Variants in SIPA1L1 observed in about 807,000 individuals in gnomAD.
SIPA1L1 encodes signal-induced proliferation-associated 1-like protein 1.
SIPA1L1 carries 26 observed loss-of-function variants against 162.7 expected under a neutral mutation model. That is an observed-to-expected ratio of 0.16 (90% CI 0.12 to 0.22). The LOEUF (loss-of-function observed/expected upper bound fraction) is 0.22, where lower values mean the gene tolerates loss of function less well. SIPA1L1 is among the 10% of genes least tolerant of loss of function. The pLI is 1.00. For synonymous variants in SIPA1L1, 829 were observed against 837.4 expected (o/e 0.99, Z 0.17); for missense variants, 1,874 against 2,241.0 (o/e 0.84, Z 3.31).
At position 71,723,520 on chromosome 14, in the gene SIPA1L1, T is replaced by C. The variant is rs2301917; in HGVS notation, c.4209-127T>C. The C allele has an allele frequency of 2.8e-4, 278 of 1,000,184 alleles. 1 individual carries two copies. In the East Asian group the frequency reaches 4.0e-3, roughly 14 times the overall value. The allele number at this position is 1,000,184 out of a possible 1,614,324, so 62.0% of individuals were successfully genotyped here. ...GAAAGCCAGGAAGGCCAGCCAGGCA[T>C]CGCTGTTAATAGTTCATGAAAAATT... is the stretch of plus-strand genomic sequence containing the variant. On this transcript the variant is annotated intron_variant, in intron 17 of 23. Transcript: ENST00000381232.
intron 2 of SIPA1L1, among the ~76,000 whole-genome samples, chr14:71,328,125 T>A (rs2034053331): frequency 6.6e-6 from 1 of 152,252 alleles, no homozygotes; most frequent in Non-Finnish European, 1.5e-5. Context: ...ATCTTAATGA[T>A]GATCCTTTGT....
At chr14:71,581,764 A>G (rs372463989) in intron 4 of SIPA1L1, among the ~76,000 whole-genome samples, 3 of 152,308 alleles carry the variant, frequency 2.0e-5, no homozygotes, top group South Asian at 2.1e-4. Context: ...AATGCCCCCA[A>G]TAAGTTAGTG....
At chr14:71,445,356 G>T (rs909945651) in intron 2 of SIPA1L1, among the ~76,000 whole-genome samples, 9 of 152,114 alleles carry the variant, frequency 5.9e-5, no homozygotes, top group African/African-American at 2.2e-4. Context: ...GAAGTTATCA[G>T]CTGGAGCTGA....
chr14:71,567,254 C>A (rs1006559656), intron 4 of SIPA1L1, among the ~76,000 whole-genome samples: 1 of 152,142 alleles, frequency 6.6e-6, no homozygotes, highest in Non-Finnish European at 1.5e-5. Context: ...AGTTCCCATT[C>A]TAGAGCTCTC....
intron 4 of SIPA1L1, among the ~76,000 whole-genome samples, chr14:71,579,290 G>C (rs901114094): frequency 6.6e-6 from 1 of 151,604 alleles, no homozygotes; most frequent in Non-Finnish European, 1.5e-5. Context: ...ACTTTTTACT[G>C]ATTTTTTTTT....
At chr14:71,415,726 C>T (rs1234171364) in intron 2 of SIPA1L1, among the ~76,000 whole-genome samples, 2 of 149,808 alleles carry the variant, frequency 1.3e-5, no homozygotes, top group Non-Finnish European at 1.5e-5. Context: ...GAGATGGGAT[C>T]TCACTCTGTC....
chr14:71,423,119 T>A (rs576901566), intron 2 of SIPA1L1, among the ~76,000 whole-genome samples: 218 of 152,326 alleles, frequency 1.4e-3, no homozygotes, highest in African/African-American at 5.1e-3. Flanking sequence ...TTTTAATATC[T>A]TTTTTGGAGA....
intron 2 of SIPA1L1, among the ~76,000 whole-genome samples, chr14:71,373,785 G>T (rs766012514): frequency 6.6e-6 from 1 of 151,870 alleles, no homozygotes; most frequent in Non-Finnish European, 1.5e-5. Flanking sequence ...TGAAACCCTG[G>T]TTGGGCTCAG....
At chr14:71,656,365 T>C (rs1441183978) in intron 8 of SIPA1L1, among the ~76,000 whole-genome samples, 2 of 152,190 alleles carry the variant, frequency 1.3e-5, no homozygotes, top group Non-Finnish European at 2.9e-5. Flanking sequence ...TTAATTTTGC[T>C]TAAAATTGAC....
chr14:71,604,170 A>T (rs1345582341), intron 5 of SIPA1L1, among the ~76,000 whole-genome samples: 1 of 150,802 alleles, frequency 6.6e-6, no homozygotes, highest in East Asian at 2.0e-4. Context: ...GCTCACTTTT[A>T]TATTTTTTTA....
At chr14:71,356,587 AG>A in intron 2 of SIPA1L1, among the ~76,000 whole-genome samples, 1 of 146,888 alleles carries the variant, frequency 6.8e-6, no homozygotes, top group Non-Finnish European at 1.5e-5. Flanking sequence ...AAAAAAAAAA[AG>A]CACACCTGTT....
intron 2 of SIPA1L1, among the ~76,000 whole-genome samples, chr14:71,494,451 G>A (rs1453960458): frequency 6.6e-6 from 1 of 151,146 alleles, no homozygotes; most frequent in Non-Finnish European, 1.5e-5. Flanking sequence ...ATTGATTTTT[G>A]GATGTTAAAC....
chr14:71,624,161 C>G lies in SIPA1L1; in HGVS notation c.1743C>G (p.Leu581=). Residue 581 remains leucine, a synonymous_variant, in exon 7 of 24, where the codon CTC becomes CTG. Transcript: ENST00000381232. ...TGCTGGAGCACGTGGTTCCTGAGCT[C>G]AATGTCCAGTGCCTGCGGTTGGCCT... is the stretch of plus-strand genomic sequence containing the variant. The part of the protein sequence containing the change: ...KEVLEHVVPE[L]NVQCLRLAFN... 1 of 1,614,172 alleles carries G rather than the reference C, an allele frequency of 6.2e-7. No individual in the cohort carries two copies. The highest frequency in any genetic ancestry group is 8.5e-7 in the Non-Finnish European group (1 of 1,180,020).
chr14:71,571,802 T>G (rs2032098823), intron 4 of SIPA1L1, among the ~76,000 whole-genome samples: 1 of 149,156 alleles, frequency 6.7e-6, no homozygotes, highest in Non-Finnish European at 1.5e-5. Flanking sequence ...CCACCATGCC[T>G]GGCTCATTTT....
intron 12 of SIPA1L1, among the ~76,000 whole-genome samples, chr14:71,682,003 G>A (rs1335391136): frequency 1.3e-5 from 2 of 152,124 alleles, no homozygotes; most frequent in Non-Finnish European, 2.9e-5. Context: ...AATTTTCCTT[G>A]GAGAATTGGA....
At position 71,739,863 on chromosome 14, in the gene SIPA1L1, C is replaced by T. The variant is rs1416819557; in HGVS notation, c.*702C>T. The T allele has an allele frequency of 6.6e-6, 1 of 152,196 alleles. No homozygotes were observed. The highest frequency in any genetic ancestry group is 6.6e-5 in the Admixed American group (1 of 15,266). The allele number at this position is 152,196 out of a possible 1,614,324, so 9.4% of individuals were successfully genotyped here. ...AGGTCATTTCCTGCTTCTCCCTTTCCCCAGGAAGATGGTCCCACTTGTGCT... is the reference window on the plus strand; with the variant it reads ...AGGTCATTTCCTGCTTCTCCCTTTCTCCAGGAAGATGGTCCCACTTGTGCT... On this transcript the variant is annotated 3_prime_UTR_variant, in exon 24 of 24. Coordinates refer to ENST00000381232, the MANE Select transcript of SIPA1L1 (RefSeq NM_001386936.1).
intron 2 of SIPA1L1, among the ~76,000 whole-genome samples, chr14:71,347,247 C>T (rs1354519544): frequency 6.6e-6 from 1 of 152,122 alleles, no homozygotes; most frequent in Admixed American, 6.5e-5. Flanking sequence ...AGACATGAGC[C>T]ACCATGCCCA....
intron 2 of SIPA1L1, among the ~76,000 whole-genome samples, chr14:71,368,202 C>A (rs2038543944): frequency 7.5e-6 from 1 of 132,602 alleles, no homozygotes; most frequent in African/African-American, 2.8e-5. Context: ...GGTACATGTG[C>A]ACATTGTGCA....
intron 4 of SIPA1L1, among the ~76,000 whole-genome samples, chr14:71,536,136 AAAG>A (rs1222173338): frequency 6.6e-6 from 1 of 152,102 alleles, no homozygotes; most frequent in Non-Finnish European, 1.5e-5. Flanking sequence ...AAAAAAAAAA[AAAG>A]AGTCTGGCTT....
Sources: allele counts gnomAD v4.1 joint callset (sites outside exome capture counted in the v4.1 genomes callset), GRCh38; gene constraint gnomAD v4.1.1; transcripts MANE v1.5; gene names NCBI Gene and HGNC (gene_info 2026-07-23, HGNC 2026-07-21).